Variants in CTBP2 observed in about 807,000 individuals in gnomAD.
The protein encoded by CTBP2 is C-terminal-binding protein 2.
Under a neutral mutation model 80.3 loss-of-function variants are expected in CTBP2, and 30 were observed. The observed-to-expected ratio is 0.37, with a 90% confidence interval of 0.28 to 0.51. The LOEUF is 0.51. Ranked by LOEUF, CTBP2 falls within the 20% of genes least tolerant of loss-of-function variation. The pLI is 0.93. For missense variants in CTBP2, 1,212 were observed against 1,375.3 expected (o/e 0.88, Z 1.88); for synonymous variants, 594 against 587.4 (o/e 1.01, Z -0.16).
Position 124,994,569 on chromosome 10 carries a change from T to G in CTBP2, c.2300A>C (p.Tyr767Ser), listed in dbSNP as rs1370360270. The G allele has an allele frequency of 3.7e-6, 6 of 1,614,000 alleles. No homozygotes were observed. The highest frequency in any genetic ancestry group is 5.1e-6 in the Non-Finnish European group (6 of 1,179,882). ...CTGATACAGCAAATCCTGCAGGGTG[T>G]AGACCCTCTGCACGCCCAGGGACCG... is the stretch of plus-strand genomic sequence containing the variant. The change falls in exon 5 of 9, where the codon TAC becomes TCC. Residue 767 changes from tyrosine to serine, a missense_variant. Tyr to Ser is a moderately radical substitution (Grantham distance 144). Around this residue, in one of 3 missense-constraint regions of CTBP2, gnomAD observed 335 missense variants for 504.7 expected, o/e 0.66. Transcript: ENST00000309035.
At chr10:125,094,640 C>T (rs578117088) in intron 2 of CTBP2, among the ~76,000 whole-genome samples, 9 of 151,826 alleles carry the variant, frequency 5.9e-5, no homozygotes, top group Middle Eastern at 3.4e-3. Flanking sequence ...CTGGTCATGC[C>T]GGGGTGGGGA....
At chr10:125,147,876 C>T (rs1859072625) in intron 1 of CTBP2, among the ~76,000 whole-genome samples, 2 of 151,802 alleles carry the variant, frequency 1.3e-5, no homozygotes, top group South Asian at 2.1e-4. Context: ...CAAGCCTCGG[C>T]GACACGGTGA....
At chr10:125,102,608 T>C (rs1169997647) in intron 2 of CTBP2, among the ~76,000 whole-genome samples, 1 of 152,234 alleles carries the variant, frequency 6.6e-6, no homozygotes, top group Admixed American at 6.5e-5. Context: ...GGTCATCTTC[T>C]GCTGTAATGA....
At chr10:125,140,582 G>C (rs1857631561) in intron 1 of CTBP2, among the ~76,000 whole-genome samples, 1 of 152,200 alleles carries the variant, frequency 6.6e-6, no homozygotes, top group Admixed American at 6.5e-5. Flanking sequence ...CAGCACTTTG[G>C]GAGGCCAAGG....
intron 2 of CTBP2, among the ~76,000 whole-genome samples, chr10:125,077,496 C>T (rs998838648): frequency 1.3e-5 from 2 of 152,084 alleles, no homozygotes; most frequent in Admixed American, 6.5e-5. Context: ...TCCCCGGGCT[C>T]GCAGAAAGGG....
intron 1 of CTBP2, among the ~76,000 whole-genome samples, chr10:125,140,866 A>T (rs1565022538): frequency 6.6e-6 from 1 of 150,946 alleles, no homozygotes; most frequent in Non-Finnish European, 1.5e-5. Flanking sequence ...GTGGCTGGGC[A>T]TGGTGGCTCA....
At chr10:125,124,106 C>T (rs1289902808) in intron 1 of CTBP2, among the ~76,000 whole-genome samples, 2 of 152,200 alleles carry the variant, frequency 1.3e-5, no homozygotes, top group Non-Finnish European at 2.9e-5. Flanking sequence ...CCAGCTTGCT[C>T]AAAGAAAGTT....
chr10:125,020,754 G>A (rs1956957441), intron 1 of CTBP2, among the ~76,000 whole-genome samples: 1 of 152,114 alleles, frequency 6.6e-6, no homozygotes, highest in Admixed American at 6.5e-5. Context: ...TGAGACTCAC[G>A]ACCCCAGCCA....
At chr10:125,151,541 G>T (rs1011622658) in intron 1 of CTBP2, among the ~76,000 whole-genome samples, 11 of 152,326 alleles carry the variant, frequency 7.2e-5, no homozygotes, top group Non-Finnish European at 1.2e-4. Flanking sequence ...CGGTCAAGTG[G>T]AAATGATGCC....
chr10:125,147,335 C>T (rs1858965665), intron 1 of CTBP2, among the ~76,000 whole-genome samples: 1 of 152,118 alleles, frequency 6.6e-6, no homozygotes, highest in Admixed American at 6.5e-5. Context: ...CCCTGGCTGC[C>T]CATCAGGCAA....
chr10:125,040,911 A>C (rs955736555), intron 2 of CTBP2, among the ~76,000 whole-genome samples: 1 of 152,224 alleles, frequency 6.6e-6, no homozygotes, highest in African/African-American at 2.4e-5. Flanking sequence ...TCACATAAAT[A>C]ATTAATGTAA....
chr10:125,009,488 G>A (rs1052584349), intron 1 of CTBP2, among the ~76,000 whole-genome samples: 19 of 152,144 alleles, frequency 1.2e-4, no homozygotes, highest in Non-Finnish European at 1.5e-5. Context: ...ATATCCCACC[G>A]ATCCCACCAC....
At chr10:125,042,050 C>G (rs188093059) in intron 2 of CTBP2, among the ~76,000 whole-genome samples, 487 of 152,060 alleles carry the variant, frequency 3.2e-3, no homozygotes, top group Non-Finnish European at 5.2e-3. Context: ...GCCAGTGGCA[C>G]CGACCCATGT....
In CTBP2 at chr10:125,011,347, G is replaced by C. The variant is rs74163305; in HGVS notation, c.1679-7855C>G. 5.8e-3 allele frequency among the ~76,000 whole-genome samples: 886 copies of C among 152,318 alleles called. 12 individuals are homozygous for C. The highest frequency in any genetic ancestry group is 0.02 in the African/African-American group (838 of 41,564). On this transcript the variant is annotated intron_variant, in intron 1 of 8. Coordinates refer to ENST00000309035, the MANE Select transcript of CTBP2 (RefSeq NM_022802.3). The stretch of plus-strand genomic sequence containing the variant: ...TGAGTCACGATGTGACACATGAGAG[G>C]CTCCCAGGTAATCTCCCTTGTAGCT...
intron 1 of CTBP2, among the ~76,000 whole-genome samples, chr10:125,116,853 C>T (rs770849175): frequency 6.6e-6 from 1 of 152,246 alleles, no homozygotes; most frequent in African/African-American, 2.4e-5. Context: ...GGAAAAGCCT[C>T]GGGCAAAATC....
intron 1 of CTBP2, among the ~76,000 whole-genome samples, chr10:125,145,797 A>C (rs1020648129): frequency 6.6e-6 from 1 of 152,138 alleles, no homozygotes; most frequent in Non-Finnish European, 1.5e-5. Flanking sequence ...AGGATTTGCA[A>C]TTGAAGAATA....
At chr10:125,036,365 G>A (rs1208741921) in intron 3 of CTBP2, among the ~76,000 whole-genome samples, 1 of 152,130 alleles carries the variant, frequency 6.6e-6, no homozygotes, top group Non-Finnish European at 1.5e-5. Flanking sequence ...TTGGCATTGT[G>A]TAGCAGGCGG....
At chr10:124,994,190 G>A (rs1336617744) in intron 5 of CTBP2, among the ~76,000 whole-genome samples, 2 of 152,250 alleles carry the variant, frequency 1.3e-5, no homozygotes, top group African/African-American at 2.4e-5. Context: ...GAAGCAACAC[G>A]GTGGAAAGGC....
chr10:125,055,812 C>G (rs1289451265), intron 2 of CTBP2, among the ~76,000 whole-genome samples: 1 of 152,110 alleles, frequency 6.6e-6, no homozygotes, highest in Non-Finnish European at 1.5e-5. Flanking sequence ...AGGAGTGGGA[C>G]TGTGGGAAGG....
Sources: gnomAD v4.1 joint callset for allele counts (sites outside exome capture counted in the v4.1 genomes callset) on GRCh38, gnomAD v4.1.1 for gene constraint, gnomAD v4.1.1 regional missense constraint, MANE v1.5 for transcripts, NCBI Gene and HGNC (gene_info 2026-07-23, HGNC 2026-07-21) for gene names.